The following CAMK2A variants were observed in gnomAD, a reference collection of about 807,000 sequenced individuals.
CAMK2A encodes the protein calcium/calmodulin dependent protein kinase II alpha.
Under a neutral mutation model 79.2 loss-of-function variants are expected in CAMK2A, and 7 were observed. The observed-to-expected ratio is 0.09, with a 90% CI of 0.05 to 0.17. The LOEUF is 0.17. CAMK2A is among the 10% of genes least tolerant of loss of function. The pLI is 1.00. For missense variants in CAMK2A, 214 were observed against 646.4 expected (o/e 0.33, Z 7.25); for synonymous variants, 242 against 251.7 (o/e 0.96, Z 0.36).
intron 9 of CAMK2A, 105 bp downstream of exon 9, chr5:150,251,645 C>T: frequency 1.2e-6 from 1 of 806,434 alleles, no homozygotes. Context: ...CTTCATGCTC[C>T]CCTGGGGTTC....
rs901783274 is a variant in CAMK2A at position 150,253,430 on chromosome 5, C to G, written c.514+14G>C. On this transcript the variant is annotated intron_variant, in intron 7 of 18. Transcript: ENST00000671881. Reference sequence around the variant, plus strand: ...TGCTGACCCCCAACACTTCTGCCAGCCCACCCCACTTACCAAACCATGCCT... The same window carrying G: ...TGCTGACCCCCAACACTTCTGCCAGGCCACCCCACTTACCAAACCATGCCT... The G allele has an allele frequency of 8.7e-6, 14 of 1,602,306 alleles. No homozygotes were observed. In the African/African-American group the frequency reaches 1.7e-4, roughly 20 times the overall value.
intron 1 of CAMK2A, among the ~76,000 whole-genome samples, chr5:150,276,984 C>T (rs1198563649): frequency 1.3e-5 from 2 of 152,180 alleles, no homozygotes; most frequent in African/African-American, 4.8e-5. Context: ...AATCCCAGCA[C>T]TTTGGGAGGC....
chr5:150,233,686 G>A (rs1163228897), intron 15 of CAMK2A, among the ~76,000 whole-genome samples: 1 of 152,138 alleles, frequency 6.6e-6, no homozygotes, highest in Non-Finnish European at 1.5e-5. Context: ...ACTGTCCCTA[G>A]GAGACCCAGA....
rs10079021 is a variant in CAMK2A at position 150,266,388 on chromosome 5, T to C, written c.158-1373A>G. 9.9e-3 allele frequency among the ~76,000 whole-genome samples: 1,510 copies of C among 152,320 alleles called. 21 individuals carry two copies. The highest frequency in any genetic ancestry group is 0.034 in the African/African-American group (1,431 of 41,570). On this transcript the variant is annotated intron_variant, in intron 2 of 18. Transcript: ENST00000671881. ...TGGCAGAGCTGGAACTGAAAATGCATTTCCCATTTTCCTTTTTGGTGCTTT... is the reference window on the plus strand; with the variant it reads ...TGGCAGAGCTGGAACTGAAAATGCACTTCCCATTTTCCTTTTTGGTGCTTT...
chr5:150,279,882 A>G (rs1420945526), intron 1 of CAMK2A, among the ~76,000 whole-genome samples: 1 of 152,238 alleles, frequency 6.6e-6, no homozygotes, highest in Non-Finnish European at 1.5e-5. Context: ...GCTGCCTGGC[A>G]GACAAGGTGG....
intron 12 of CAMK2A, 55 bp from the exon 13 acceptor site, chr5:150,245,256 A>AGGGCACCAGGGCCCG: frequency 6.4e-7 from 1 of 1,570,462 alleles, no homozygotes; most frequent in Non-Finnish European, 8.8e-7. Context: ...ACCAGGGCCC[A>AGGGCACCAGGGCCCG]CAGGGCGAGG....
chr5:150,278,312 T>C (rs142699131), intron 1 of CAMK2A, among the ~76,000 whole-genome samples: 4 of 151,180 alleles, frequency 2.6e-5, no homozygotes, highest in African/African-American at 9.7e-5. Context: ...AGGAAAGTCA[T>C]AGCCAAAATG....
At chr5:150,289,472 G>T in intron 1 of CAMK2A, 92 bp downstream of exon 1, 2 of 958,946 alleles carry the variant, frequency 2.1e-6, no homozygotes, top group African/African-American at 1.6e-5. Flanking sequence ...TACAAGGAAT[G>T]CTCCCCAAGC....
At chr5:150,264,799 G>T (rs1308153454) in intron 3 of CAMK2A, among the ~76,000 whole-genome samples, 157 bp downstream of exon 3, 1 of 152,150 alleles carries the variant, frequency 6.6e-6, no homozygotes, top group Non-Finnish European at 1.5e-5. Context: ...GAGGAATGTG[G>T]AAACCATTAA....
rs114959506 is a variant in CAMK2A at position 150,219,545 on chromosome 5, C to T, written c.*3165G>A. 1,786 of 141,864 alleles carry T rather than the reference C, an allele frequency of 0.013. 22 individuals are homozygous for T. Among genetic ancestry groups the T allele is most frequent in the Non-Finnish European group, 0.018 (1,150 of 65,134 alleles). The allele number at this position is 141,864 out of a possible 1,614,324, so 8.8% of individuals were successfully genotyped here. On this transcript the variant is annotated 3_prime_UTR_variant, in exon 19 of 19. Transcript: ENST00000671881. ...CTGAAAACACCAAGAATAAAACAAA[C>T]GCCCCTTCTTCCCATCCCACCCGCC...
At chr5:150,285,616 G>A (rs1030797599) in intron 1 of CAMK2A, among the ~76,000 whole-genome samples, 16 of 152,156 alleles carry the variant, frequency 1.1e-4, no homozygotes, top group African/African-American at 2.9e-4. Flanking sequence ...AGCTTAGGTC[G>A]AGGAAGCTGC....
chr5:150,273,037 G>A (rs921630215), intron 2 of CAMK2A, 28 bp downstream of exon 2: 3 of 1,557,166 alleles, frequency 1.9e-6, no homozygotes, highest in Non-Finnish European at 2.7e-6. Context: ...GCCCTGGAGG[G>A]TGGGCAGGGT....
intron 1 of CAMK2A, among the ~76,000 whole-genome samples, chr5:150,273,433 A>G (rs983653386): frequency 6.6e-6 from 1 of 152,254 alleles, no homozygotes; most frequent in Non-Finnish European, 1.5e-5. Context: ...GTAAAACATT[A>G]GAATCACGTA....
intron 1 of CAMK2A, among the ~76,000 whole-genome samples, chr5:150,273,710 A>AGG (rs1756843552): frequency 1.3e-5 from 2 of 152,156 alleles, no homozygotes; most frequent in Non-Finnish European, 2.9e-5. Flanking sequence ...TTTTCAGTGA[A>AGG]TAATATATTT....
intron 13 of CAMK2A, among the ~76,000 whole-genome samples, chr5:150,243,689 G>A (rs1755442179): frequency 1.3e-5 from 2 of 152,330 alleles, no homozygotes; most frequent in South Asian, 4.1e-4. Flanking sequence ...TCATGAGTGT[G>A]TATTACATAC....
intron 3 of CAMK2A, among the ~76,000 whole-genome samples, chr5:150,259,094 T>G (rs2150287098): frequency 6.6e-6 from 1 of 152,084 alleles, no homozygotes; most frequent in South Asian, 2.1e-4. Context: ...GCAGGATAAT[T>G]GCTTGAGCCC....
intron 15 of CAMK2A, among the ~76,000 whole-genome samples, chr5:150,237,892 C>CT (rs1255736330): frequency 3.3e-5 from 5 of 152,156 alleles, no homozygotes; most frequent in African/African-American, 1.2e-4. Flanking sequence ...CACCTGAGAG[C>CT]TTTTGAGGAC....
chr5:150,239,238 A>G (rs1755231049), intron 14 of CAMK2A, among the ~76,000 whole-genome samples: 1 of 152,162 alleles, frequency 6.6e-6, no homozygotes, highest in African/African-American at 2.4e-5. Flanking sequence ...ACTGGACCCT[A>G]GACAGAGGCA....
intron 2 of CAMK2A, among the ~76,000 whole-genome samples, chr5:150,271,267 G>C (rs874084): frequency 0.28 from 43,134 of 152,078 alleles, 7,769 homozygotes; most frequent in African/African-American, 0.51. Context: ...TGACTGTATA[G>C]CACGTGGGGC....
Sources: allele counts gnomAD v4.1 joint callset (sites outside exome capture counted in the v4.1 genomes callset), GRCh38; gene constraint gnomAD v4.1.1; transcripts MANE v1.5; gene names NCBI Gene and HGNC (gene_info 2026-07-23, HGNC 2026-07-21).